UTRN: variants seen among roughly 807,000 people sequenced by gnomAD.
UTRN encodes the protein utrophin.
UTRN carries 283 observed loss-of-function variants against 463.9 expected under a neutral mutation model. The observed-to-expected ratio is 0.61, with a 90% CI of 0.55 to 0.67. The LOEUF is 0.67. UTRN is among the 30% of genes least tolerant of loss of function. The pLI, the probability that UTRN is intolerant of heterozygous loss-of-function variation, is 0.00. For missense variants in UTRN, 3,922 were observed against 4,084.3 expected, an observed-to-expected ratio of 0.96 and a Z score of 1.08; for synonymous variants, 1,442 against 1,431.5, an observed-to-expected ratio of 1.01 and a Z score of -0.17.
intron 55 of UTRN, 25 bp downstream of exon 55, chr6:144,748,539 T>G: frequency 6.3e-7 from 1 of 1,594,362 alleles, no homozygotes; most frequent in Non-Finnish European, 8.5e-7. Flanking sequence ...CTTTGAAGGA[T>G]TTTTAAGAAA....
chr6:144,678,109 A>G (rs1585953256), intron 51 of UTRN, among the ~76,000 whole-genome samples: 2 of 152,120 alleles, frequency 1.3e-5, no homozygotes, highest in African/African-American at 4.8e-5. Flanking sequence ...ATTCAGTGCT[A>G]TTCCCATCAA....
intron 47 of UTRN, 89 bp from the exon 48 acceptor site, chr6:144,550,876 G>A (rs1388690248): frequency 4.4e-5 from 51 of 1,166,670 alleles, no homozygotes; most frequent in Non-Finnish European, 5.7e-5. Context: ...GGAAAACAAC[G>A]ACAACTTTGA....
intron 58 of UTRN, chr6:144,758,322 T>A (rs1028474646): frequency 5.4e-5 from 9 of 167,394 alleles, no homozygotes; most frequent in Non-Finnish European, 1.0e-4. Context: ...AAAAAAAAAA[T>A]TGGAGAAAAA....
intron 50 of UTRN, among the ~76,000 whole-genome samples, chr6:144,574,469 C>T (rs565958545): frequency 1.1e-4 from 17 of 152,124 alleles, no homozygotes; most frequent in South Asian, 8.3e-4. Context: ...TTTCTTTATC[C>T]GTATGTAATA....
At chr6:144,816,622 A>G (rs1397964891) in intron 65 of UTRN, among the ~76,000 whole-genome samples, 1 of 148,154 alleles carries the variant, frequency 6.7e-6, no homozygotes, top group Admixed American at 6.8e-5. Context: ...CTTCATGTAT[A>G]TTTTATTTTT....
chr6:144,432,749 G>A (rs906790829), intron 9 of UTRN, among the ~76,000 whole-genome samples: 1 of 151,884 alleles, frequency 6.6e-6, no homozygotes, highest in African/African-American at 2.4e-5. Flanking sequence ...ATTTGGCAGG[G>A]TCACAGGACA....
chr6:144,651,095 T>C (rs1278734062), intron 51 of UTRN, among the ~76,000 whole-genome samples: 1 of 151,926 alleles, frequency 6.6e-6, no homozygotes, highest in Admixed American at 6.6e-5. Flanking sequence ...AATATTAGGT[T>C]TGTGCAAAAG....
chr6:144,774,857 T>C (rs1158097974), intron 60 of UTRN, among the ~76,000 whole-genome samples: 1 of 152,224 alleles, frequency 6.6e-6, no homozygotes, highest in African/African-American at 2.4e-5. Context: ...GTATTATCAA[T>C]GCATTTTTCC....
At chr6:144,772,361 G>A (rs988794786) in intron 59 of UTRN, among the ~76,000 whole-genome samples, 3 of 152,002 alleles carry the variant, frequency 2.0e-5, no homozygotes, top group Admixed American at 1.3e-4. Context: ...CTAATCACCA[G>A]CCTTTCTTAC....
chr6:144,479,792 G>T lies in UTRN; in HGVS notation c.3337-20G>T. The T allele has an allele frequency of 1.2e-6, 2 of 1,602,268 alleles. No homozygotes were observed. Among genetic ancestry groups the T allele is most frequent in the Non-Finnish European group, 1.7e-6 (2 of 1,174,990 alleles). On this transcript the variant is annotated intron_variant, in intron 25 of 74. Coordinates refer to ENST00000367545, the MANE Select transcript of UTRN (RefSeq NM_007124.3). ...CACATTAACATTTGTTTATTTGGGG[G>T]AATGGCTTTTCCTTTGTAGATCGCT...
chr6:144,302,694 C>T (rs1434014341), intron 2 of UTRN, among the ~76,000 whole-genome samples: 2 of 152,152 alleles, frequency 1.3e-5, no homozygotes, highest in African/African-American at 4.8e-5. Context: ...CATCAATAAA[C>T]ATCCCCACAC....
At chr6:144,558,088 C>A (rs1414693177) in intron 50 of UTRN, among the ~76,000 whole-genome samples, 1 of 152,176 alleles carries the variant, frequency 6.6e-6, no homozygotes, top group Non-Finnish European at 1.5e-5. Context: ...CAAAACACAT[C>A]TATTTTGACG....
chr6:144,648,178 G>A (rs779258427), intron 51 of UTRN, among the ~76,000 whole-genome samples: 16 of 152,158 alleles, frequency 1.1e-4, no homozygotes, highest in Non-Finnish European at 2.1e-4. Flanking sequence ...TCCTTTGCTG[G>A]CTCTTGTTCC....
intron 10 of UTRN, 94 bp downstream of exon 10, chr6:144,436,232 C>T (rs1259821689): frequency 7.7e-7 from 1 of 1,291,360 alleles, no homozygotes; most frequent in Non-Finnish European, 1.1e-6. Context: ...CTACTGAATT[C>T]TGTTCTTTGG....
chr6:144,489,936 A>G, intron 30 of UTRN, 135 bp from the exon 31 acceptor site: 1 of 1,305,598 alleles, frequency 7.7e-7, no homozygotes, highest in East Asian at 2.8e-5. Flanking sequence ...AACTTATTAA[A>G]GCTTCTGTGG....
chr6:144,470,307 G>T (rs1280630426), intron 23 of UTRN, among the ~76,000 whole-genome samples: 1 of 151,730 alleles, frequency 6.6e-6, no homozygotes, highest in Non-Finnish European at 1.5e-5. Context: ...CCTCCCAGAC[G>T]GGGCGGCTGC....
intron 50 of UTRN, among the ~76,000 whole-genome samples, chr6:144,561,119 A>G (rs1277767420): frequency 1.3e-5 from 2 of 149,152 alleles, no homozygotes; most frequent in Admixed American, 6.7e-5. Flanking sequence ...AAATGTGTTT[A>G]TAGCACAGTC....
Position 144,453,878 on chromosome 6 carries a change from C to T in UTRN, c.2284+9C>T. The stretch of plus-strand genomic sequence containing the variant: ...GGAGCAAATGGGAAAAGGTAAGATC[C>T]TTGATTTTTTTCCCCTATATTTTTC... On this transcript the variant is annotated intron_variant, in intron 19 of 74. Coordinates refer to ENST00000367545, the MANE Select transcript of UTRN (RefSeq NM_007124.3). The T allele has an allele frequency of 1.9e-6, 3 of 1,608,640 alleles. No homozygotes were observed. The highest frequency in any genetic ancestry group is 2.5e-6 in the Non-Finnish European group (3 of 1,176,718).
chr6:144,567,811 TG>T (rs770454076), intron 50 of UTRN, among the ~76,000 whole-genome samples: 4 of 152,188 alleles, frequency 2.6e-5, no homozygotes, highest in Non-Finnish European at 5.9e-5. Flanking sequence ...CACACATTGA[TG>T]GGTTTCCTGA....
Sources: allele counts gnomAD v4.1 joint callset (sites outside exome capture counted in the v4.1 genomes callset), GRCh38; gene constraint gnomAD v4.1.1; transcripts MANE v1.5; gene names NCBI Gene and HGNC (gene_info 2026-07-23, HGNC 2026-07-21).